BIN3: variants seen among roughly 807,000 people sequenced by gnomAD.
BIN3 encodes the protein bridging integrator 3.
BIN3 carries 41 observed loss-of-function variants against 38.2 expected under a neutral mutation model. That is an observed-to-expected ratio of 1.07 (90% CI 0.84 to 1.39). The LOEUF (loss-of-function observed/expected upper bound fraction) is 1.39, where lower values mean the gene tolerates loss of function less well. Among genes scored for constraint, BIN3 ranks in the 40% most tolerant of loss-of-function variants. BIN3 has a pLI of 0.00. For missense variants in BIN3, 361 were observed against 324.3 expected (o/e 1.11, Z -0.87); for synonymous variants, 145 against 122.6 (o/e 1.18, Z -1.21).
intron 1 of BIN3, among the ~76,000 whole-genome samples, chr8:22,658,332 A>C (rs1449845388): frequency 6.6e-6 from 1 of 152,228 alleles, no homozygotes; most frequent in Admixed American, 6.5e-5. Context: ...TTTCTTTCAT[A>C]ATAAAGAAAA....
At chr8:22,635,726 A>G (rs1802346053) in intron 4 of BIN3, among the ~76,000 whole-genome samples, 1 of 152,192 alleles carries the variant, frequency 6.6e-6, no homozygotes, top group Non-Finnish European at 1.5e-5. Flanking sequence ...AGAGCTGCGC[A>G]GGGAGTGCTG....
chr8:22,621,109 C>T lies in BIN3; in HGVS notation c.*313G>A, dbSNP rs774267367. The T allele has an allele frequency of 7.4e-5, 23 of 310,380 alleles. No individual in the cohort carries two copies. The highest frequency in any genetic ancestry group is 1.9e-4 in the African/African-American group (9 of 46,290). 19.2% of individuals were successfully genotyped at this position (310,380 alleles called of 1,614,324 possible). A position where few individuals can be genotyped will look rare whatever the true frequency, so the allele number is the denominator to read the frequency against. On this transcript the variant is annotated 3_prime_UTR_variant, in exon 9 of 9. Transcript: ENST00000276416. ...AGGCTAAGACCCCCAACTTAGCCAA[C>T]GAAGCCCATGGCCTCAGAAGGGCTG...
At position 22,638,951 on chromosome 8, in the gene BIN3, C is replaced by A. The variant is rs567376666; in HGVS notation, c.58-1989G>T. ...AATTCAAAAATCACTCCCACTAAAG[C>A]ACAAATGCTTGATGAGCATTTAAAG... On this transcript the variant is annotated intron_variant, in intron 2 of 8. Transcript: ENST00000276416. Among the ~76,000 whole-genome samples, 7 of 152,350 alleles carry A rather than the reference C, an allele frequency of 4.6e-5. No individual in the cohort carries two copies. The South Asian group carries it at 1.2e-3, about 27-fold the overall frequency.
Position 22,621,237 on chromosome 8 carries a change from G to T in BIN3, c.*185C>A. The T allele has an allele frequency of 1.4e-6, 1 of 718,760 alleles. No homozygotes were observed. Among genetic ancestry groups the T allele is most frequent in the Non-Finnish European group, 2.2e-6 (1 of 446,646 alleles). The allele number at this position is 718,760 out of a possible 1,614,324, so 44.5% of individuals were successfully genotyped here. The stretch of plus-strand genomic sequence containing the variant: ...TGCTTACCTGCTGGGGCTGTGAGTG[G>T]GGAGACGGCGGCCTGCCTAGGGCTC... On this transcript the variant is annotated 3_prime_UTR_variant, in exon 9 of 9. Coordinates refer to ENST00000276416, the MANE Select transcript of BIN3 (RefSeq NM_018688.6).
chr8:22,631,964 T>C (rs1394407346), intron 4 of BIN3, among the ~76,000 whole-genome samples: 2 of 152,240 alleles, frequency 1.3e-5, no homozygotes, highest in Non-Finnish European at 2.9e-5. Flanking sequence ...GCTGGCCTGA[T>C]GCCGTCTGTA....
intron 1 of BIN3, among the ~76,000 whole-genome samples, chr8:22,666,367 G>C (rs1030091793): frequency 2.5e-5 from 3 of 122,272 alleles, no homozygotes; most frequent in African/African-American, 9.1e-5. Flanking sequence ...GGGAGGAGAG[G>C]AGAGAAAGTT....
intron 3 of BIN3, 159 bp downstream of exon 3, chr8:22,636,763 G>A (rs1802380233): frequency 2.8e-5 from 28 of 998,474 alleles, no homozygotes; most frequent in Admixed American, 4.1e-5. Context: ...ACTCTCACAT[G>A]GCCATTGCCA....
At chr8:22,668,939 G>A in intron 1 of BIN3, 105 bp downstream of exon 1, 2 of 1,453,352 alleles carry the variant, frequency 1.4e-6, no homozygotes, top group Middle Eastern at 2.1e-4. Context: ...CTGGGGCGGA[G>A]GGGTCGCGCG....
intron 1 of BIN3, among the ~76,000 whole-genome samples, chr8:22,659,510 C>G (rs1803163281): frequency 6.6e-6 from 1 of 152,218 alleles, no homozygotes. Context: ...ATGAAGCACA[C>G]AACGTTAAGT....
At chr8:22,644,828 G>A (rs1802665798) in intron 1 of BIN3, 25 bp from the exon 2 acceptor site, 2 of 1,597,806 alleles carry the variant, frequency 1.3e-6, no homozygotes, top group Middle Eastern at 1.7e-4. Flanking sequence ...GACAAAGAGA[G>A]ATATTGTGAG....
chr8:22,646,360 C>T (rs925487920), intron 1 of BIN3, among the ~76,000 whole-genome samples: 4 of 152,172 alleles, frequency 2.6e-5, no homozygotes, highest in Non-Finnish European at 5.9e-5. Flanking sequence ...TTCCACAATG[C>T]ACCAGACCCG....
At chr8:22,654,945 T>A (rs1414774757) in intron 1 of BIN3, among the ~76,000 whole-genome samples, 2 of 152,178 alleles carry the variant, frequency 1.3e-5, no homozygotes, top group Non-Finnish European at 2.9e-5. Context: ...TTCCCACCAG[T>A]GGTATATAAG....
intron 1 of BIN3, among the ~76,000 whole-genome samples, chr8:22,651,023 C>T (rs1458418537): frequency 6.6e-6 from 1 of 152,128 alleles, no homozygotes; most frequent in Admixed American, 6.5e-5. Flanking sequence ...GCAGTTGTAG[C>T]CGATGTACTG....
chr8:22,651,916 T>A (rs1283187971), intron 1 of BIN3, among the ~76,000 whole-genome samples: 2 of 152,168 alleles, frequency 1.3e-5, no homozygotes, highest in Non-Finnish European at 2.9e-5. Context: ...ACTTACAATT[T>A]CGATGCTGAC....
Position 22,624,578 on chromosome 8 carries a change from TGAG to T in BIN3, c.339-218_339-216del, listed in dbSNP as rs1459127435. 4 of 576,376 alleles carry T rather than the reference TGAG, an allele frequency of 6.9e-6. No homozygotes were observed. The Admixed American group carries it at 1.3e-4, about 19-fold the overall frequency. 35.7% of individuals were successfully genotyped at this position (576,376 alleles called of 1,614,324 possible). A position where few individuals can be genotyped will look rare whatever the true frequency, so the allele number is the denominator to read the frequency against. The stretch of plus-strand genomic sequence containing the variant: ...GGGAGTTCACTGTGAACAAGACAGA[TGAG>T]GCCCTGTCCCCTGGAGCTTGTGCGA... On this transcript the variant is annotated intron_variant, in intron 6 of 8. Transcript: ENST00000276416.
rs747596850 is a variant in BIN3, at chr8:22,624,207, T to C, written c.480+15A>G. ...CCCACCTGTCTAGCCCCTGCCCACCTGTCTCCCCTGGTACCTGGTGGAGCT... is the reference window on the plus strand; with the variant it reads ...CCCACCTGTCTAGCCCCTGCCCACCCGTCTCCCCTGGTACCTGGTGGAGCT... On this transcript the variant is annotated intron_variant, in intron 7 of 8. Coordinates refer to ENST00000276416, the MANE Select transcript of BIN3 (RefSeq NM_018688.6). 6.2e-7 allele frequency: 1 copy of C among 1,611,398 alleles called. No individual in the cohort carries two copies. Among genetic ancestry groups the C allele is most frequent in the African/African-American group, 1.3e-5 (1 of 75,046 alleles).
Position 22,635,097 on chromosome 8 carries a change from C to T in BIN3, c.160+1428G>A, listed in dbSNP as rs143026489. Among the ~76,000 whole-genome samples, 480 of 152,282 alleles carry T rather than the reference C, an allele frequency of 3.2e-3. 3 individuals carry two copies. The highest frequency in any genetic ancestry group is 0.01 in the Middle Eastern group (3 of 294). ...TCAGCGTGCACCACCTTAGGGCCTC[C>T]GCGCTTGCTGTCCACTGTGTTTCAG... On this transcript the variant is annotated intron_variant, in intron 4 of 8. Transcript: ENST00000276416.
intron 8 of BIN3, among the ~76,000 whole-genome samples, chr8:22,623,522 T>C (rs1391193390): frequency 6.6e-6 from 1 of 152,164 alleles, no homozygotes; most frequent in Non-Finnish European, 1.5e-5. Flanking sequence ...GGAGGGGAGC[T>C]GAGTCCTCAG....
rs1801763281 is a variant in BIN3 at position 22,620,777 on chromosome 8, C to T, written c.*645G>A. On this transcript the variant is annotated 3_prime_UTR_variant, in exon 9 of 9. Coordinates refer to ENST00000276416, the MANE Select transcript of BIN3 (RefSeq NM_018688.6). ...CAGATACTCAGGTGAGACACAAACCCACTGTTCCTGCTTTGAGACCTGTGA... is the reference window on the plus strand; with the variant it reads ...CAGATACTCAGGTGAGACACAAACCTACTGTTCCTGCTTTGAGACCTGTGA... 1 of 152,258 alleles carries T rather than the reference C, an allele frequency of 6.6e-6. No individual in the cohort carries two copies. 9.4% of individuals were successfully genotyped at this position (152,258 alleles called of 1,614,324 possible).
Sources: allele counts gnomAD v4.1 joint callset (sites outside exome capture counted in the v4.1 genomes callset), GRCh38; gene constraint gnomAD v4.1.1; transcripts MANE v1.5; gene names NCBI Gene and HGNC (gene_info 2026-07-23, HGNC 2026-07-21).